The following STPG4 variants were observed in gnomAD, a reference collection of about 807,000 sequenced individuals.
STPG4 encodes protein STPG4.
In STPG4, 41 loss-of-function variants were observed where a neutral mutation model predicts 31.5. The ratio of observed to expected loss-of-function variants is 1.30; its 90% CI spans 1.01 to 1.69. The LOEUF is 1.69. Among genes scored for constraint, STPG4 ranks in the 40% most tolerant of loss-of-function variants. STPG4 has a pLI of 0.00. For synonymous variants in STPG4, 141 were observed against 103.0 expected (o/e 1.37, Z -2.24); for missense variants, 375 against 293.4 (o/e 1.28, Z -2.03).
chr2:47,113,787 C>G (rs1409375393), intron 5 of STPG4, among the ~76,000 whole-genome samples: 1 of 152,132 alleles, frequency 6.6e-6, no homozygotes, highest in Non-Finnish European at 1.5e-5. Context: ...GTAATCCCAG[C>G]ATTTTGGGAG....
chr2:47,147,991 G>A (rs1315258879), intron 3 of STPG4, among the ~76,000 whole-genome samples: 7 of 145,134 alleles, frequency 4.8e-5, no homozygotes, highest in African/African-American at 5.1e-5. Flanking sequence ...TTGCTCTGTC[G>A]CCCAGGCTGG....
At chr2:47,101,390 A>G (rs1377908279) in intron 5 of STPG4, among the ~76,000 whole-genome samples, 1 of 151,752 alleles carries the variant, frequency 6.6e-6, no homozygotes, top group Non-Finnish European at 1.5e-5. Flanking sequence ...CCCTGCGGCC[A>G]TGAGCAGAAC....
chr2:47,151,251 G>A lies in STPG4; in HGVS notation c.399+7C>T, dbSNP rs760710020. 7 of 1,614,060 alleles carry A rather than the reference G, an allele frequency of 4.3e-6. No homozygotes were observed. The highest frequency in any genetic ancestry group is 1.1e-5 in the South Asian group (1 of 91,060). On this transcript the variant is annotated splice_region_variant and intron_variant, in intron 3 of 6. Transcript: ENST00000445927. ...CCACACAAAGCAATCTGCCAGTAGCGCTTTACCTGATCTTTGTCAACTAGT... is the reference window on the plus strand; with the variant it reads ...CCACACAAAGCAATCTGCCAGTAGCACTTTACCTGATCTTTGTCAACTAGT...
In STPG4 at chr2:47,142,836, C is replaced by CTTTTTT. The variant is rs10686388; in HGVS notation, c.399+8416_399+8421dup. ...ATCAACACATATAGATTTATCTCAT[C>CTTTTTT]TTTTTTTTTTTTTTTTTTTTTTTTG... is the stretch of plus-strand genomic sequence containing the variant. On this transcript the variant is annotated intron_variant, in intron 3 of 6. Coordinates refer to ENST00000445927, the MANE Select transcript of STPG4 (RefSeq NM_001163561.2). Among the ~76,000 whole-genome samples the CTTTTTT allele has an allele frequency of 1.0e-3, 77 of 73,832 alleles. 3 individuals carry two copies. The highest frequency in any genetic ancestry group is 1.6e-3 in the African/African-American group (29 of 18,024). 48.4% of individuals were successfully genotyped at this position (73,832 alleles called of 152,430 possible). A position where few individuals can be genotyped will look rare whatever the true frequency, so the allele number is the denominator to read the frequency against.
intron 5 of STPG4, among the ~76,000 whole-genome samples, chr2:47,107,395 C>T (rs916833022): frequency 2.0e-5 from 3 of 152,168 alleles, no homozygotes; most frequent in Non-Finnish European, 4.4e-5. Flanking sequence ...GCCCTGCCGG[C>T]CCCGGGCAAC....
intron 5 of STPG4, among the ~76,000 whole-genome samples, chr2:47,127,687 T>G (rs1686392977): frequency 6.6e-6 from 1 of 152,200 alleles, no homozygotes; most frequent in African/African-American, 2.4e-5. Flanking sequence ...TTTTTAAAAT[T>G]ATTTTGATTT....
Position 47,152,952 on chromosome 2 carries a change from C to A in STPG4, c.141+5G>T, listed in dbSNP as rs1360499326. The A allele has an allele frequency of 1.3e-6, 2 of 1,598,144 alleles. No individual in the cohort carries two copies. Among genetic ancestry groups the A allele is most frequent in the South Asian group, 2.2e-5 (2 of 89,368 alleles). ...TGAATAGGAAAGACTGAACAATGTA[C>A]ATACTGTTAATGCTATTCTCCACCA... On this transcript the variant is annotated splice_donor_5th_base_variant and intron_variant, in intron 2 of 6. Coordinates refer to ENST00000445927, the MANE Select transcript of STPG4 (RefSeq NM_001163561.2).
At chr2:47,100,637 G>C (rs1271377058) in intron 5 of STPG4, among the ~76,000 whole-genome samples, 21 of 151,454 alleles carry the variant, frequency 1.4e-4, no homozygotes, top group Admixed American at 1.4e-3. Flanking sequence ...TCTTGCTACT[G>C]CTCACTCTTT....
intron 3 of STPG4, among the ~76,000 whole-genome samples, chr2:47,147,397 C>T (rs543807875): frequency 6.6e-6 from 1 of 152,222 alleles, no homozygotes; most frequent in East Asian, 1.9e-4. Flanking sequence ...GGGATTGGAG[C>T]TTTGCAAGGA....
At chr2:47,103,105 T>C (rs1012414621) in intron 5 of STPG4, among the ~76,000 whole-genome samples, 5 of 151,956 alleles carry the variant, frequency 3.3e-5, no homozygotes, top group Admixed American at 1.3e-4. Flanking sequence ...CCATCCCCAG[T>C]ATGGATCCCC....
chr2:47,092,476 C>T (rs1685587360), intron 5 of STPG4, among the ~76,000 whole-genome samples: 1 of 148,628 alleles, frequency 6.7e-6, no homozygotes, highest in African/African-American at 2.5e-5. Context: ...TGCAGTGAGC[C>T]ATGATCATGT....
Position 47,151,502 on chromosome 2 carries a change from G to A in STPG4, c.155C>T (p.Pro52Leu), listed in dbSNP as rs558085912. Residue 52 changes from proline to leucine, a missense_variant, in exon 3 of 7, where the codon CCT (proline) becomes CTT (leucine). Coordinates refer to ENST00000445927, the MANE Select transcript of STPG4 (RefSeq NM_001163561.2). Reference protein sequence around the residue: ...WRIALTDTPIPGTYHLKTFIE... With the variant: ...WRIALTDTPILGTYHLKTFIE... ...AAAAGTTTTCAAGTGGTAAGTGCCA[G>A]GTATAGGAGTATCCTGTGGAAAATT... 142 of 1,613,650 alleles carry A rather than the reference G, an allele frequency of 8.8e-5. 2 individuals are homozygous for A. In the South Asian group the frequency reaches 1.5e-3, roughly 17 times the overall value.
Position 47,155,277 on chromosome 2 carries a change from A to G in STPG4, c.-26T>C. ...GGTGGCCTCCTCTCTCTCTAGGCTG[A>G]ACCTGAGCTCCGGTTGCTAGGAGGC... On this transcript the variant is annotated 5_prime_UTR_variant, in exon 1 of 7. Coordinates refer to ENST00000445927, the MANE Select transcript of STPG4 (RefSeq NM_001163561.2). 6.2e-7 allele frequency: 1 copy of G among 1,612,988 alleles called. No homozygotes were observed. The highest frequency in any genetic ancestry group is 2.2e-5 in the East Asian group (1 of 44,834).
intron 3 of STPG4, among the ~76,000 whole-genome samples, chr2:47,148,882 A>G (rs554849694): frequency 6.6e-6 from 1 of 152,358 alleles, no homozygotes; most frequent in African/African-American, 2.4e-5. Flanking sequence ...ATGGCTGCAT[A>G]GTATTCCTGA....
Position 47,094,589 on chromosome 2 carries a change from C to A in STPG4, c.520-4215G>T, listed in dbSNP as rs188976832. 4.6e-5 allele frequency among the ~76,000 whole-genome samples: 7 copies of A among 152,208 alleles called. No homozygotes were observed. In the East Asian group the frequency reaches 1.4e-3, roughly 29 times the overall value. On this transcript the variant is annotated intron_variant, in intron 5 of 6. Transcript: ENST00000445927. ...GTCCAGTGAGGGATATAGGCAGAACCAAACAGAAACACCACAAAAGAATAA... is the reference window on the plus strand; with the variant it reads ...GTCCAGTGAGGGATATAGGCAGAACAAAACAGAAACACCACAAAAGAATAA...
rs189049841 is a variant in STPG4, at chr2:47,153,948, C to G, written c.82-932G>C. Among the ~76,000 whole-genome samples the G allele has an allele frequency of 5.7e-3, 865 of 152,200 alleles. 7 individuals are homozygous for G. Among genetic ancestry groups the G allele is most frequent in the Non-Finnish European group, 8.7e-3 (593 of 67,992 alleles). ...TGTCTTCATATTTAGTACTCTATACCCATTCATCCATTATTATTTCATATT... is the reference window on the plus strand; with the variant it reads ...TGTCTTCATATTTAGTACTCTATACGCATTCATCCATTATTATTTCATATT... On this transcript the variant is annotated intron_variant, in intron 1 of 6. Transcript: ENST00000445927.
At chr2:47,153,253 C>T (rs1686971139) in intron 1 of STPG4, among the ~76,000 whole-genome samples, 1 of 152,044 alleles carries the variant, frequency 6.6e-6, no homozygotes, top group African/African-American at 2.4e-5. Flanking sequence ...AATAAACACC[C>T]CCATCTCACA....
chr2:47,087,486 C>T (rs1276756141), intron 6 of STPG4, among the ~76,000 whole-genome samples: 1 of 152,212 alleles, frequency 6.6e-6, no homozygotes, highest in Non-Finnish European at 1.5e-5. Context: ...GGAATGCCAT[C>T]ATCTTTCCCC....
chr2:47,099,606 C>T (rs1685745022), intron 5 of STPG4, among the ~76,000 whole-genome samples: 1 of 152,284 alleles, frequency 6.6e-6, no homozygotes, highest in Non-Finnish European at 1.5e-5. Flanking sequence ...TCGGCGCCTC[C>T]TCTGCCTGGG....
Sources: gnomAD v4.1 joint callset for allele counts (sites outside exome capture counted in the v4.1 genomes callset) on GRCh38, gnomAD v4.1.1 for gene constraint, MANE v1.5 for transcripts, NCBI Gene and HGNC (gene_info 2026-07-23, HGNC 2026-07-21) for gene names.